Variants in SULT1A1 observed in about 807,000 individuals in gnomAD.
SULT1A1 encodes the protein sulfotransferase 1A1.
A neutral mutation model predicts 36.8 loss-of-function variants in SULT1A1; 35 were observed. That is an observed-to-expected ratio of 0.95 (90% confidence interval 0.73 to 1.26). The LOEUF (loss-of-function observed/expected upper bound fraction) is 1.26. Among genes scored for constraint, SULT1A1 ranks in the 50% most tolerant of loss-of-function variants. The pLI is 0.00. For synonymous variants in SULT1A1, 119 were observed against 146.0 expected (o/e 0.82, Z 1.33); for missense variants, 309 against 383.0 (o/e 0.81, Z 1.61).
At position 28,605,635 on chromosome 16, in the gene SULT1A1, TCTCA is replaced by T. The variant is rs1596620962; in HGVS notation, c.*182_*185del. 1 of 926,718 alleles carries T rather than the reference TCTCA, an allele frequency of 1.1e-6. No homozygotes were observed. The highest frequency in any genetic ancestry group is 1.6e-6 in the Non-Finnish European group (1 of 610,028). 57.4% of individuals were successfully genotyped at this position (926,718 alleles called of 1,614,324 possible). On this transcript the variant is annotated 3_prime_UTR_variant, in exon 8 of 8. Transcript: ENST00000314752. ...ATTTTATTTTATTTTTTTAACAGAA[TCTCA>T]CTATGTTGCCCAGGTTGGTCTCGAA...
rs1357102922 is a variant in SULT1A1, at chr16:28,623,169, ACC to A, written c.27_28del (p.Gln9HisfsTer23). 62 of 1,359,586 alleles carry A rather than the reference ACC, an allele frequency of 4.6e-5. No homozygotes were observed. Among genetic ancestry groups the A allele is most frequent in the Non-Finnish European group, 5.8e-5 (60 of 1,032,048 alleles). The allele number at this position is 1,359,586 out of a possible 1,614,324, so 84.2% of individuals were successfully genotyped here. On this transcript the variant is annotated frameshift_variant, in exon 1 of 6. Transcript: ENST00000350842. LOFTEE classifies it high-confidence loss of function. Reference sequence around the variant, plus strand: ...CGAGACCGCGATGGGCGCACCGACCACCTGGTCGCACAGCAACTTGGCCAGCA... The same window carrying A: ...CGAGACCGCGATGGGCGCACCGACCATGGTCGCACAGCAACTTGGCCAGCA...
At chr16:28,623,353 C>G in exon 1 of SULT1A1, 2 of 1,492,066 alleles carry the variant, frequency 1.3e-6, no homozygotes, top group Non-Finnish European at 1.8e-6. Flanking sequence ...ACGTCCCCGG[C>G]GGAGACGAGC....
At chr16:28,609,762 A>AAAAC (rs959867666) in intron 1 of SULT1A1, 169 bp downstream of exon 1, 1 of 858,812 alleles carries the variant, frequency 1.2e-6, no homozygotes, top group Non-Finnish European at 1.6e-6. Context: ...CCCGGGGAAA[A>AAAAC]AAACAAACAA....
At chr16:28,619,992 A>AG in intron 2 of SULT1A1, 4 of 508,762 alleles carry the variant, frequency 7.9e-6, no homozygotes, top group South Asian at 5.6e-5. Flanking sequence ...TGTATTGTAT[A>AG]TTGTGTGTGT....
At chr16:28,616,035 G>A (rs2047539718) in intron 2 of SULT1A1, among the ~76,000 whole-genome samples, 1 of 152,074 alleles carries the variant, frequency 6.6e-6, no homozygotes, top group Admixed American at 6.5e-5. Context: ...CGATCCGCCT[G>A]GTAACGGGCA....
chr16:28,610,392 T>C (rs13331376), upstream of SULT1A1: 10,164 of 457,438 alleles, frequency 0.022, 665 homozygotes, highest in African/African-American at 0.18. Flanking sequence ...AGGGGAGGGA[T>C]TGGAGGAGAA....
At chr16:28,610,384 G>A, upstream of SULT1A1, 2 of 485,070 alleles carry the variant, frequency 4.1e-6, no homozygotes, top group South Asian at 2.1e-5. Flanking sequence ...GGCAAGAGAG[G>A]GGAGGGATTG....
At chr16:28,622,895 A>G (rs901380948) in intron 1 of SULT1A1, among the ~76,000 whole-genome samples, 3 of 151,942 alleles carry the variant, frequency 2.0e-5, no homozygotes, top group African/African-American at 4.8e-5. Flanking sequence ...TGGCTCCCCA[A>G]TTTCTCGGCT....
At chr16:28,607,152 G>T in intron 4 of SULT1A1, 75 bp from the exon 5 acceptor site, 1 of 1,593,354 alleles carries the variant, frequency 6.3e-7, no homozygotes, top group Non-Finnish European at 8.6e-7. Flanking sequence ...TCTTGGATTG[G>T]CAAAGGAGGA....
chr16:28,608,899 C>G, intron 1 of SULT1A1, 40 bp from the exon 2 acceptor site: 2 of 1,611,274 alleles, frequency 1.2e-6, no homozygotes, highest in Non-Finnish European at 1.7e-6. Flanking sequence ...CCCTTACCAC[C>G]ATCACAACAG....
At chr16:28,606,419 C>T (rs1596624716) in intron 6 of SULT1A1, among the ~76,000 whole-genome samples, 183 bp from the exon 7 acceptor site, 1 of 151,898 alleles carries the variant, frequency 6.6e-6, no homozygotes, top group East Asian at 1.9e-4. Flanking sequence ...GCCCTGTGAT[C>T]CCATCATGAG....
chr16:28,607,119 A>G (rs1304463719), intron 4 of SULT1A1, 42 bp from the exon 5 acceptor site: 1 of 1,608,330 alleles, frequency 6.2e-7, no homozygotes, highest in Non-Finnish European at 8.5e-7. Flanking sequence ...ATCACCACAC[A>G]GCCTGTCCCA....
intron 2 of SULT1A1, among the ~76,000 whole-genome samples, chr16:28,619,648 A>G (rs1165123030): frequency 6.6e-6 from 1 of 151,904 alleles, no homozygotes; most frequent in Non-Finnish European, 1.5e-5. Flanking sequence ...TGAGCTCAGG[A>G]GGTCCAGGCT....
In SULT1A1 at chr16:28,610,008, G is replaced by T. The variant is rs1229244235; in HGVS notation, c.-82C>A. ...GTGGGTGTTGTGTGGGGAATGCAGG[G>T]TTGTTCTCTGAGCTGAGGGTTTCCT... On this transcript the variant is annotated 5_prime_UTR_variant, in exon 1 of 8. Transcript: ENST00000314752. 1.6e-6 allele frequency: 2 copies of T among 1,286,250 alleles called. No individual in the cohort carries two copies. Among genetic ancestry groups the T allele is most frequent in the South Asian group, 1.2e-5 (1 of 80,842 alleles). The allele number at this position is 1,286,250 out of a possible 1,614,324, so 79.7% of individuals were successfully genotyped here.
intron 1 of SULT1A1, chr16:28,623,117 C>CCCG: frequency 6.5e-7 from 1 of 1,544,432 alleles, no homozygotes; most frequent in African/African-American, 1.4e-5. Context: ...CAGGTTCCCC[C>CCCG]CCCGGCCCCT....
intron 1 of SULT1A1, among the ~76,000 whole-genome samples, chr16:28,620,512 T>C (rs2047629805): frequency 1.4e-5 from 2 of 145,738 alleles, no homozygotes; most frequent in African/African-American, 2.6e-5. Context: ...TACAGTGAGC[T>C]GTGATCATGC....
intron 4 of SULT1A1, chr16:28,607,303 G>C (rs1040206730): frequency 7.9e-6 from 6 of 754,738 alleles, no homozygotes; most frequent in African/African-American, 1.7e-5. Context: ...CTGCATCAAT[G>C]CGTCACACCC....
chr16:28,609,370 C>G (rs1186673146), intron 1 of SULT1A1: 1 of 1,290,432 alleles, frequency 7.7e-7, no homozygotes, highest in African/African-American at 1.5e-5. Context: ...TGCCTGGCCA[C>G]AGTCCATCTG....
chr16:28,610,785 G>A (rs1596642939), upstream of SULT1A1: 4 of 152,724 alleles, frequency 2.6e-5, no homozygotes, highest in African/African-American at 9.7e-5. Context: ...GGAGGCCGAG[G>A]TTTGGAAGCC....
Sources: gnomAD v4.1 joint callset for allele counts (sites outside exome capture counted in the v4.1 genomes callset) on GRCh38, gnomAD v4.1.1 for gene constraint, MANE v1.5 for transcripts, NCBI Gene and HGNC (gene_info 2026-07-23, HGNC 2026-07-21) for gene names.